The following PPP1R12B variants were observed in gnomAD, a reference collection of about 807,000 sequenced individuals.
PPP1R12B encodes myosin phosphatase target subunit 2.
Under a neutral mutation model 126.1 loss-of-function variants are expected in PPP1R12B, and 76 were observed. The ratio of observed to expected loss-of-function variants is 0.60; its 90% CI spans 0.50 to 0.73. The LOEUF (loss-of-function observed/expected upper bound fraction) is 0.73. Among genes scored for constraint, PPP1R12B ranks in the 30% least tolerant of loss-of-function variants. The pLI is 0.00. For missense variants in PPP1R12B, 1,052 were observed against 1,205.1 expected (o/e 0.87, Z 1.88); for synonymous variants, 356 against 434.7 (o/e 0.82, Z 2.25).
At chr1:202,555,463 T>TA (rs59737329) in intron 18 of PPP1R12B, among the ~76,000 whole-genome samples, 3,852 of 61,412 alleles carry the variant, frequency 0.063, 82 homozygotes, top group African/African-American at 0.11. Context: ...AAGAAGAAAC[T>TA]AAAAAAAAAA....
chr1:202,567,695 A>G (rs1688188308), intron 21 of PPP1R12B, 83 bp from the exon 22 acceptor site: 1 of 1,420,062 alleles, frequency 7.0e-7, no homozygotes. Flanking sequence ...CTAGATGTCT[A>G]GTAGTGAAGC....
chr1:202,450,400 C>T (rs1040274512), intron 13 of PPP1R12B, among the ~76,000 whole-genome samples: 4 of 151,990 alleles, frequency 2.6e-5, no homozygotes, highest in African/African-American at 4.8e-5. Context: ...AAAATGTGAC[C>T]GAGCAAGAAT....
chr1:202,561,367 A>G (rs535887670), intron 19 of PPP1R12B, among the ~76,000 whole-genome samples: 1 of 151,876 alleles, frequency 6.6e-6, no homozygotes, highest in East Asian at 1.9e-4. Flanking sequence ...ACAGGCATGT[A>G]ATGGAGAAGA....
At chr1:202,465,522 G>A (rs1171943665) in intron 13 of PPP1R12B, among the ~76,000 whole-genome samples, 1 of 152,164 alleles carries the variant, frequency 6.6e-6, no homozygotes, top group Non-Finnish European at 1.5e-5. Flanking sequence ...CAAATGAGAG[G>A]TTGTCTTATG....
chr1:202,536,923 C>G (rs1285062455), intron 18 of PPP1R12B, among the ~76,000 whole-genome samples: 1 of 152,198 alleles, frequency 6.6e-6, no homozygotes. Flanking sequence ...GCTGTCACTT[C>G]CTATCATAAC....
chr1:202,427,764 C>G (rs1410050653), intron 5 of PPP1R12B, among the ~76,000 whole-genome samples: 1 of 152,098 alleles, frequency 6.6e-6, no homozygotes, highest in African/African-American at 2.4e-5. Context: ...CCTGCCTCAG[C>G]CTCCTGAGTA....
intron 18 of PPP1R12B, among the ~76,000 whole-genome samples, chr1:202,537,332 C>T (rs535878195): frequency 2.7e-5 from 4 of 149,896 alleles, no homozygotes; most frequent in South Asian, 2.1e-4. Context: ...CCAGCCTGGG[C>T]GACAGACTGA....
At chr1:202,420,374 C>A (rs892505367) in intron 2 of PPP1R12B, among the ~76,000 whole-genome samples, 1 of 152,116 alleles carries the variant, frequency 6.6e-6, no homozygotes, top group African/African-American at 2.4e-5. Flanking sequence ...AAGGCAAAAG[C>A]ATTTTAAATG....
chr1:202,360,679 A>T (rs1378622599), intron 1 of PPP1R12B, among the ~76,000 whole-genome samples: 1 of 151,844 alleles, frequency 6.6e-6, no homozygotes, highest in African/African-American at 2.4e-5. Flanking sequence ...ATTGCACTCC[A>T]GCCTGGGCAA....
intron 1 of PPP1R12B, among the ~76,000 whole-genome samples, chr1:202,406,042 G>C (rs921217801): frequency 2.0e-5 from 3 of 152,180 alleles, no homozygotes; most frequent in Non-Finnish European, 2.9e-5. Flanking sequence ...TCAGATCCCA[G>C]GATTGTCTTC....
chr1:202,422,576 A>G, intron 2 of PPP1R12B, 44 bp from the exon 3 acceptor site: 2 of 1,588,922 alleles, frequency 1.3e-6, no homozygotes, highest in Non-Finnish European at 8.6e-7. Flanking sequence ...TAAAATTTAT[A>G]TTAGATTGAC....
chr1:202,388,618 A>G (rs2148513852), intron 1 of PPP1R12B, among the ~76,000 whole-genome samples: 1 of 152,304 alleles, frequency 6.6e-6, no homozygotes, highest in African/African-American at 2.4e-5. Flanking sequence ...CTTTCTTAAT[A>G]TTGATCTAGT....
In PPP1R12B at chr1:202,575,223, C is replaced by T; in HGVS notation, c.2863-5251C>T. ...TTGTTAGTCCCAGAAGCTCTGTGCT[C>T]ATCCCCTCCATCCGAGCCTCCATAT... is the stretch of plus-strand genomic sequence containing the variant. On this transcript the variant is annotated intron_variant, in intron 23 of 23. Coordinates refer to ENST00000608999, the MANE Select transcript of PPP1R12B (RefSeq NM_002481.4). 2.0e-6 allele frequency: 3 copies of T among 1,464,606 alleles called. No homozygotes were observed. The East Asian group carries it at 6.9e-5, about 34-fold the overall frequency. 90.7% of individuals were successfully genotyped at this position (1,464,606 alleles called of 1,614,324 possible).
At chr1:202,573,894 T>C (rs983053006) in intron 23 of PPP1R12B, among the ~76,000 whole-genome samples, 32 of 152,248 alleles carry the variant, frequency 2.1e-4, no homozygotes, top group African/African-American at 7.5e-4. Context: ...TATGAGTCTG[T>C]TTATGAACAC....
chr1:202,418,034 G>T (rs1668310798), intron 2 of PPP1R12B, among the ~76,000 whole-genome samples: 1 of 152,320 alleles, frequency 6.6e-6, no homozygotes, highest in East Asian at 1.9e-4. Context: ...GGATGACTGG[G>T]TTGGCCCCAA....
chr1:202,452,916 C>G (rs1333613527), intron 13 of PPP1R12B, among the ~76,000 whole-genome samples: 2 of 151,818 alleles, frequency 1.3e-5, no homozygotes, highest in Admixed American at 1.3e-4. Context: ...ATTTTCCCAC[C>G]TCTGCCTTCC....
intron 1 of PPP1R12B, among the ~76,000 whole-genome samples, chr1:202,375,338 T>A (rs1038714170): frequency 7.9e-5 from 12 of 152,252 alleles, no homozygotes; most frequent in Non-Finnish European, 1.5e-4. Flanking sequence ...TGTTCTCTAG[T>A]CTCACTTCTT....
chr1:202,487,616 C>CT (rs1171061773), intron 13 of PPP1R12B, among the ~76,000 whole-genome samples: 4,594 of 135,750 alleles, frequency 0.034, 191 homozygotes, highest in African/African-American at 0.11. Context: ...TTTTTTTTTT[C>CT]TTTTTTTTGG....
intron 10 of PPP1R12B, 112 bp from the exon 11 acceptor site, chr1:202,440,594 G>A (rs1408397012): frequency 5.8e-6 from 4 of 695,224 alleles, no homozygotes; most frequent in Admixed American, 5.9e-5. Flanking sequence ...ATTAGTGTTG[G>A]ATCCAGAAAT....
Sources: gnomAD v4.1 joint callset for allele counts (sites outside exome capture counted in the v4.1 genomes callset) on GRCh38, gnomAD v4.1.1 for gene constraint, MANE v1.5 for transcripts, NCBI Gene and HGNC (gene_info 2026-07-23, HGNC 2026-07-21) for gene names.